RTCA: variants seen among roughly 807,000 people sequenced by gnomAD.
RTCA encodes RNA terminal phosphate cyclase domain 1.
Under a neutral mutation model 46.1 loss-of-function variants are expected in RTCA, and 37 were observed. The observed-to-expected ratio is 0.80, with a 90% CI of 0.62 to 1.06. RTCA has a LOEUF of 1.06. RTCA is among the 50% of genes least tolerant of loss of function. The pLI is 0.00. For synonymous variants in RTCA, 164 were observed against 158.3 expected (o/e 1.04, Z -0.27); for missense variants, 435 against 455.5 (o/e 0.95, Z 0.41).
At chr1:100,287,266 A>G in intron 10 of RTCA, 63 bp downstream of exon 10, 1 of 1,166,012 alleles carries the variant, frequency 8.6e-7, no homozygotes, top group Non-Finnish European at 1.2e-6. Flanking sequence ...ATTTTGGGTT[A>G]AATTTTAATA....
At chr1:100,277,932 TCA>T (rs893887799) in intron 8 of RTCA, among the ~76,000 whole-genome samples, 13 of 152,172 alleles carry the variant, frequency 8.5e-5, no homozygotes, top group African/African-American at 3.1e-4. Flanking sequence ...GGCCATTTTC[TCA>T]CAGAGTTTCC....
intron 8 of RTCA, among the ~76,000 whole-genome samples, chr1:100,284,138 A>G (rs1429686047): frequency 6.6e-6 from 1 of 151,986 alleles, no homozygotes. Flanking sequence ...AGTTGAGAGT[A>G]AATACCTTAA....
chr1:100,267,664 T>TA (rs1665864200), intron 2 of RTCA: 17 of 1,036,434 alleles, frequency 1.6e-5, no homozygotes, highest in South Asian at 3.2e-5. Flanking sequence ...TTTTTTTTTT[T>TA]TATAAGGACA....
At chr1:100,266,445 G>C (rs367850385) in intron 1 of RTCA, 25 bp downstream of exon 1, 61 of 1,609,028 alleles carry the variant, frequency 3.8e-5, no homozygotes, top group Non-Finnish European at 5.0e-5. Flanking sequence ...AAGCGGCCGG[G>C]GCTGCAGCCT....
intron 9 of RTCA, among the ~76,000 whole-genome samples, chr1:100,285,625 T>C (rs926728098): frequency 3.3e-5 from 5 of 152,176 alleles, no homozygotes; most frequent in Admixed American, 3.3e-4. Flanking sequence ...TGCTAGTTTA[T>C]TATGGTTTTC....
intron 8 of RTCA, among the ~76,000 whole-genome samples, chr1:100,281,722 G>GTT (rs1024592484): frequency 1.4e-5 from 2 of 143,708 alleles, no homozygotes; most frequent in African/African-American, 2.5e-5. Context: ...TTTTGTTTTT[G>GTT]TTTTTTTTTT....
rs538556147 is a variant in RTCA, at chr1:100,274,458, A to G, written c.474-366A>G. On this transcript the variant is annotated intron_variant, in intron 5 of 10. Coordinates refer to ENST00000370128, the MANE Select transcript of RTCA (RefSeq NM_003729.4). ...GCCCTCAAGGCGCTTATATTCTACA[A>G]TAGCCCTGTCAAATAGAACTTTCTG... is the stretch of plus-strand genomic sequence containing the variant. 7.2e-4 allele frequency among the ~76,000 whole-genome samples: 110 copies of G among 152,360 alleles called. 3 individuals are homozygous for G. The South Asian group carries it at 0.023, about 32-fold the overall frequency.
intron 8 of RTCA, among the ~76,000 whole-genome samples, chr1:100,277,791 A>AT (rs958141266): frequency 2.7e-4 from 39 of 145,744 alleles, no homozygotes; most frequent in Admixed American, 3.4e-4. Flanking sequence ...GCGATGTGGA[A>AT]TTTTTTTTTT....
At position 100,287,278 on chromosome 1, in the gene RTCA, G is replaced by T. The variant is rs1667078777; in HGVS notation, c.999+75G>T. The stretch of plus-strand genomic sequence containing the variant: ...CCAATTTTGGGTTAAATTTTAATAG[G>T]AAACTTAATAGTAATCATAATTGCT... On this transcript the variant is annotated intron_variant, in intron 10 of 10. Coordinates refer to ENST00000370128, the MANE Select transcript of RTCA (RefSeq NM_003729.4). The T allele has an allele frequency of 6.8e-6, 7 of 1,029,244 alleles. 1 individual carries two copies. In the South Asian group the frequency reaches 1.2e-4, roughly 18 times the overall value. The allele number at this position is 1,029,244 out of a possible 1,614,324, so 63.8% of individuals were successfully genotyped here. A position where few individuals can be genotyped will look rare whatever the true frequency, so the allele number is the denominator to read the frequency against.
In RTCA at chr1:100,266,548, A is replaced by G; in HGVS notation, c.70A>G (p.Thr24Ala). The G allele has an allele frequency of 6.2e-7, 1 of 1,613,772 alleles. No homozygotes were observed. The highest frequency in any genetic ancestry group is 8.5e-7 in the Non-Finnish European group (1 of 1,179,672). The change falls in exon 2 of 11, where the codon ACG becomes GCG. Residue 24 changes from threonine to alanine, a missense_variant. Transcript: ENST00000370128. ...GGGCGGCCAGATCCTGAGAGTCTCT[A>G]CGGCCTTGAGCTGTCTCCTAGGCCT... is the stretch of plus-strand genomic sequence containing the variant. ...EGGGQILRVS[T>A]ALSCLLGLPL...
intron 8 of RTCA, among the ~76,000 whole-genome samples, chr1:100,284,229 A>G (rs1018661043): frequency 6.6e-6 from 1 of 152,066 alleles, no homozygotes; most frequent in Non-Finnish European, 1.5e-5. Context: ...ATATGTATGG[A>G]GAGATAGGGA....
chr1:100,291,292 T>C, intron 10 of RTCA, 111 bp from the exon 11 acceptor site: 1 of 645,562 alleles, frequency 1.5e-6, no homozygotes, highest in Non-Finnish European at 2.7e-6. Context: ...TCTCTGTAGG[T>C]TTTTCAATAA....
At position 100,269,875 on chromosome 1, in the gene RTCA, C is replaced by G. The variant is rs140817477; in HGVS notation, c.291-682C>G. ...CGACAAGCCCTGGTGTGTGATGTTC[C>G]CCTCCCTGTGCCCATGTGTTCTCAT... On this transcript the variant is annotated intron_variant, in intron 3 of 10. Coordinates refer to ENST00000370128, the MANE Select transcript of RTCA (RefSeq NM_003729.4). Among the ~76,000 whole-genome samples, 956 of 152,186 alleles carry G rather than the reference C, an allele frequency of 6.3e-3. 10 individuals are homozygous for G. The highest frequency in any genetic ancestry group is 0.022 in the African/African-American group (908 of 41,500).
rs2100784913 is a variant in RTCA, at chr1:100,266,572, C to T, written c.94C>T (p.Leu32Phe). Residue 32 changes from leucine to phenylalanine, a missense_variant, in exon 2 of 11, where the codon CTC becomes TTC. Leu to Phe is a conservative substitution (Grantham distance 22). Transcript: ENST00000370128. ...TACGGCCTTGAGCTGTCTCCTAGGC[C>T]TCCCCTTGCGGGTGCAGAAGATCCG... The part of the protein sequence containing the change: ...VSTALSCLLG[L>F]PLRVQKIRAG... The T allele has an allele frequency of 6.2e-7, 1 of 1,614,042 alleles. No individual in the cohort carries two copies. Among genetic ancestry groups the T allele is most frequent in the East Asian group, 2.2e-5 (1 of 44,874 alleles).
chr1:100,266,493 T>G (rs928393378), intron 1 of RTCA, 31 bp from the exon 2 acceptor site: 1 of 1,609,858 alleles, frequency 6.2e-7, no homozygotes, highest in African/African-American at 1.3e-5. Flanking sequence ...GTGTGCTTAC[T>G]TCTCTTCTCC....
chr1:100,268,085 T>G (rs1665885412), intron 2 of RTCA, 67 bp from the exon 3 acceptor site: 1 of 1,569,510 alleles, frequency 6.4e-7, no homozygotes, highest in Non-Finnish European at 8.7e-7. Context: ...TTTATAAATT[T>G]GTCATAAAAT....
At position 100,270,691 on chromosome 1, in the gene RTCA, T is replaced by C; in HGVS notation, c.414+11T>C. 1 of 1,612,856 alleles carries C rather than the reference T, an allele frequency of 6.2e-7. No homozygotes were observed. The highest frequency in any genetic ancestry group is 1.1e-5 in the South Asian group (1 of 90,814). ...GATTATACAGTGATGGTAAGGGCTTTTGTTGTTGACAAACTAAGATGATCT... is the reference window on the plus strand; with the variant it reads ...GATTATACAGTGATGGTAAGGGCTTCTGTTGTTGACAAACTAAGATGATCT... On this transcript the variant is annotated intron_variant, in intron 4 of 10. Coordinates refer to ENST00000370128, the MANE Select transcript of RTCA (RefSeq NM_003729.4).
Position 100,287,198 on chromosome 1 carries a change from G to C in RTCA, c.994G>C (p.Ala332Pro), listed in dbSNP as rs1029066577. The part of the protein sequence containing the change: ...QTAIHFAEQI[A>P]KAKFIVKKSE... ...CGCGATACATTTTGCTGAACAAATA[G>C]CAAAGGTGAGTATTCTATCAGAAAG... The change falls in exon 10 of 11, where the codon GCA becomes CCA. Residue 332 changes from alanine to proline, a missense_variant. Physicochemically the swap from Ala to Pro is conservative, Grantham distance 27 (BLOSUM62 -1). Transcript: ENST00000370128. The C allele has an allele frequency of 6.4e-7, 1 of 1,560,398 alleles. No homozygotes were observed. Among genetic ancestry groups the C allele is most frequent in the Non-Finnish European group, 8.6e-7 (1 of 1,157,730 alleles).
intron 8 of RTCA, among the ~76,000 whole-genome samples, 182 bp from the exon 9 acceptor site, chr1:100,285,046 A>G (rs946719345): frequency 1.3e-5 from 2 of 152,254 alleles, no homozygotes; most frequent in African/African-American, 4.8e-5. Context: ...AGACTTGTGT[A>G]TCCCAAACAC....
Sources: allele counts gnomAD v4.1 joint callset (sites outside exome capture counted in the v4.1 genomes callset), GRCh38; gene constraint gnomAD v4.1.1; transcripts MANE v1.5; gene names NCBI Gene and HGNC (gene_info 2026-07-23, HGNC 2026-07-21).